Variants in RBBP8NL observed in about 807,000 individuals in gnomAD.
The protein encoded by RBBP8NL is RBBP8 N-terminal-like protein.
In RBBP8NL, 59 loss-of-function variants were observed where a neutral mutation model predicts 62.2. That is an observed-to-expected ratio of 0.95 (90% CI 0.77 to 1.18). The LOEUF is 1.18. RBBP8NL is among the 50% of genes most tolerant of loss of function. The pLI, the probability that RBBP8NL is intolerant of heterozygous loss-of-function variation, is 0.00. For missense variants in RBBP8NL, 896 were observed against 899.5 expected, an observed-to-expected ratio of 1.00 and a Z score of 0.05; for synonymous variants, 412 against 394.1, an observed-to-expected ratio of 1.05 and a Z score of -0.54.
At chr20:62,424,090 C>T (rs1988759809) in intron 1 of RBBP8NL, among the ~76,000 whole-genome samples, 2 of 151,626 alleles carry the variant, frequency 1.3e-5, no homozygotes, top group African/African-American at 2.4e-5. Context: ...TGGGCTGAGG[C>T]TCATGGGGGG....
chr20:62,412,713 G>T lies in RBBP8NL; in HGVS notation c.1787C>A (p.Thr596Asn), dbSNP rs202078364. 5 of 1,610,894 alleles carry T rather than the reference G, an allele frequency of 3.1e-6. No homozygotes were observed. The Admixed American group carries it at 6.7e-5, about 21-fold the overall frequency. The change falls in exon 13 of 14, where the codon ACC becomes AAC. Residue 596 changes from threonine to asparagine, a missense_variant. Physicochemically the swap from Thr to Asn is moderately conservative, Grantham distance 65. Coordinates refer to ENST00000252998, the MANE Select transcript of RBBP8NL (RefSeq NM_080833.3). ...GCAGATGCACTCAGGCCCCTCCCCG[G>T]TCGTGCTCGTAGTGGCCTCCGCCTG... ...SSQAEATTST[T>N]GEGPECICTQ...
Position 62,410,712 on chromosome 20 carries a change from G to T in RBBP8NL, c.*166C>A. On this transcript the variant is annotated 3_prime_UTR_variant, in exon 14 of 14. Transcript: ENST00000252998. The stretch of plus-strand genomic sequence containing the variant: ...GCCCTCTCCAGGCTGTGGTGAGCAG[G>T]CAGAGAGCTGCCCTGGGCTCACTGT... The T allele has an allele frequency of 4.7e-6, 3 of 643,818 alleles. No individual in the cohort carries two copies. Among genetic ancestry groups the T allele is most frequent in the South Asian group, 3.7e-5 (2 of 54,022 alleles). 39.9% of individuals were successfully genotyped at this position (643,818 alleles called of 1,614,324 possible).
chr20:62,418,182 A>T (rs1054130715), intron 3 of RBBP8NL, among the ~76,000 whole-genome samples: 4 of 152,160 alleles, frequency 2.6e-5, no homozygotes, highest in Non-Finnish European at 5.9e-5. Context: ...CTGGGGTGGG[A>T]GAAGCCCCGA....
chr20:62,414,443 G>A lies in RBBP8NL; in HGVS notation c.908C>T (p.Pro303Leu). ...AGCAGGGGCCAGGGGGCTGCTGTGGGGGCTCTGAAGGTGCAGGGACAGGGG... is the reference window on the plus strand; with the variant it reads ...AGCAGGGGCCAGGGGGCTGCTGTGGAGGCTCTGAAGGTGCAGGGACAGGGG... ...NRPLSLHLQS[P>L]HSSPLAPAAA... The change falls in exon 10 of 14, where the codon CCC (proline) becomes CTC (leucine). Residue 303 changes from proline (P) to leucine (L), a missense_variant. Physicochemically the swap from Pro to Leu is moderately conservative, Grantham distance 98. Coordinates refer to ENST00000252998, the MANE Select transcript of RBBP8NL (RefSeq NM_080833.3). 1 of 1,502,912 alleles carries A rather than the reference G, an allele frequency of 6.7e-7. No homozygotes were observed. Among genetic ancestry groups the A allele is most frequent in the South Asian group, 1.3e-5 (1 of 77,768 alleles). The allele number at this position is 1,502,912 out of a possible 1,614,324, so 93.1% of individuals were successfully genotyped here. A position where few individuals can be genotyped will look rare whatever the true frequency, so the allele number is the denominator to read the frequency against.
chr20:62,424,957 T>G (rs1601492511), intron 1 of RBBP8NL, among the ~76,000 whole-genome samples: 1 of 138,334 alleles, frequency 7.2e-6, no homozygotes, highest in Non-Finnish European at 1.7e-5. Context: ...GGAGAGTCAG[T>G]CTGGGCGGAG....
intron 1 of RBBP8NL, among the ~76,000 whole-genome samples, chr20:62,422,521 TGGGACCCCGA>T (rs1224369284): frequency 2.9e-5 from 1 of 35,080 alleles, no homozygotes; most frequent in Non-Finnish European, 5.5e-5. Flanking sequence ...AGAGAGGCCT[TGGGACCCCGA>T]GAGAGGCCAT....
chr20:62,421,413 G>C (rs534990339), intron 1 of RBBP8NL, among the ~76,000 whole-genome samples: 1 of 111,636 alleles, frequency 9.0e-6, no homozygotes, highest in Non-Finnish European at 1.8e-5. Flanking sequence ...GTGAGTGTGC[G>C]TGTGTGTGCC....
In RBBP8NL at chr20:62,414,052, C is replaced by T. The variant is rs527310870; in HGVS notation, c.1299G>A (p.Thr433=). Residue 433 remains threonine, a synonymous_variant, in exon 10 of 14, where the codon ACG becomes ACA. Transcript: ENST00000252998. ...GGGGCTTGTCTAGGGCACAGTCCTG[C>T]GTGGCTGCAGCCTCTGTCCTCTGGG... The part of the protein sequence containing the change: ...GRAQRTEAAA[T]QDCALDKPLD... 85 of 1,593,382 alleles carry T rather than the reference C, an allele frequency of 5.3e-5. No individual in the cohort carries two copies. The highest frequency in any genetic ancestry group is 3.4e-4 in the South Asian group (30 of 88,272).
rs773452324 is a variant in RBBP8NL, at chr20:62,414,118, C to T, written c.1233G>A (p.Leu411=). Residue 411 remains leucine (L), a synonymous_variant, in exon 10 of 14, where the codon CTG becomes CTA. Transcript: ENST00000252998. ...CAGGCTGTGTGTGCCGCCCTCCAGACAGGCCTGCTGCGGCCAGAGCTGCCC... is the reference window on the plus strand; with the variant it reads ...CAGGCTGTGTGTGCCGCCCTCCAGATAGGCCTGCTGCGGCCAGAGCTGCCC... ...GTRAALAAAG[L]SGGRHTQPAG... 6.3e-7 allele frequency: 1 copy of T among 1,596,294 alleles called. No individual in the cohort carries two copies. Among genetic ancestry groups the T allele is most frequent in the Admixed American group, 1.7e-5 (1 of 58,052 alleles).
intron 1 of RBBP8NL, among the ~76,000 whole-genome samples, chr20:62,420,343 C>A (rs1988670289): frequency 6.9e-6 from 1 of 144,620 alleles, no homozygotes; most frequent in African/African-American, 2.8e-5. Context: ...TCAATCCTGT[C>A]CCACAGGCAC....
intron 5 of RBBP8NL, among the ~76,000 whole-genome samples, chr20:62,416,506 C>T (rs1178809196): frequency 1.3e-5 from 2 of 152,214 alleles, no homozygotes; most frequent in Non-Finnish European, 2.9e-5. Context: ...TTCCGCATCT[C>T]AGGAAGGAGG....
At chr20:62,425,951 G>A (rs1055193162) in intron 1 of RBBP8NL, among the ~76,000 whole-genome samples, 1 of 151,982 alleles carries the variant, frequency 6.6e-6, no homozygotes, top group Non-Finnish European at 1.5e-5. Flanking sequence ...AGCAGTGGCA[G>A]TGGGAGTGGC....
rs775408561 is a variant in RBBP8NL at position 62,412,669 on chromosome 20, C to G, written c.1831G>C (p.Gly611Arg). ...GCCCGCTTCCTCTTCCGTGGTGGAC[C>G]CTGCCCGTGCTCCTGGGTGCAGATG... ...ECICTQEHGQ[G>R]PPRKRKRASE... is the part of the protein sequence containing the mutation. Residue 611 changes from glycine to arginine, a missense_variant, in exon 13 of 14, where the codon GGT becomes CGT. Transcript: ENST00000252998. 6.2e-7 allele frequency: 1 copy of G among 1,608,150 alleles called. No individual in the cohort carries two copies. The highest frequency in any genetic ancestry group is 8.5e-7 in the Non-Finnish European group (1 of 1,179,938).
At chr20:62,425,247 C>T (rs900068874) in intron 1 of RBBP8NL, among the ~76,000 whole-genome samples, 3 of 152,182 alleles carry the variant, frequency 2.0e-5, no homozygotes, top group Non-Finnish European at 4.4e-5. Flanking sequence ...CATGTGGGAC[C>T]CCAGGTGTCC....
At position 62,414,309 on chromosome 20, in the gene RBBP8NL, C is replaced by T. The variant is rs3810553; in HGVS notation, c.1042G>A (p.Asp348Asn). The T allele has an allele frequency of 0.29, 459,300 of 1,563,920 alleles. 70,421 individuals carry two copies. The highest frequency in any genetic ancestry group is 0.47 in the East Asian group (19,699 of 42,176). ...TGCAGTGCCCCCTCCAGGCGAAGGT[C>T]CTGCATGCCCGCCAGGGCACTGGGC... ...GLPSALAGMQ[D>N]LRLEGALHLL... The change falls in exon 10 of 14, where the codon GAC becomes AAC. Residue 348 changes from aspartate to asparagine, a missense_variant. By Grantham distance (23) the Asp-to-Asn change is conservative. Transcript: ENST00000252998.
Position 62,418,607 on chromosome 20 carries a change from C to T in RBBP8NL, c.62-142G>A, listed in dbSNP as rs1601488996. ...TGGGGGAGCCCTGCCAGGTGAGCCC[C>T]TGTCTGTGCCCAGGCACGGGGCTGC... On this transcript the variant is annotated intron_variant, in intron 2 of 13. Coordinates refer to ENST00000252998, the MANE Select transcript of RBBP8NL (RefSeq NM_080833.3). 3.6e-6 allele frequency: 3 copies of T among 843,876 alleles called. No homozygotes were observed. The East Asian group carries it at 8.0e-5, about 23-fold the overall frequency. 52.3% of individuals were successfully genotyped at this position (843,876 alleles called of 1,614,324 possible).
In RBBP8NL at chr20:62,415,218, G is replaced by C; in HGVS notation, c.697C>G (p.Pro233Ala). Reference protein sequence around the residue: ...AVVRPGSQACPADRGPANGTP... With the variant: ...AVVRPGSQACAADRGPANGTP... The stretch of plus-strand genomic sequence containing the variant: ...CCATTGGCGGGGCCTCGGTCGGCAG[G>C]GCAAGCCTGGGACCCAGGCCGCACC... The change falls in exon 9 of 14, where the codon CCT (proline) becomes GCT (alanine). Residue 233 changes from proline (P) to alanine (A), a missense_variant. Coordinates refer to ENST00000252998, the MANE Select transcript of RBBP8NL (RefSeq NM_080833.3). 6.5e-7 allele frequency: 1 copy of C among 1,534,394 alleles called. No homozygotes were observed. The highest frequency in any genetic ancestry group is 8.8e-7 in the Non-Finnish European group (1 of 1,141,682).
intron 13 of RBBP8NL, among the ~76,000 whole-genome samples, chr20:62,411,304 T>G (rs1463199115): frequency 2.0e-5 from 3 of 152,156 alleles, no homozygotes; most frequent in Non-Finnish European, 2.9e-5. Context: ...GGCCTGACAC[T>G]GGCTGCGGGC....
chr20:62,416,358 C>T, intron 5 of RBBP8NL, 122 bp from the exon 6 acceptor site: 1 of 875,044 alleles, frequency 1.1e-6, no homozygotes, highest in South Asian at 1.5e-5. Context: ...CAGGGCCTGG[C>T]AGGCAGCAGG....
Sources: allele counts gnomAD v4.1 joint callset (sites outside exome capture counted in the v4.1 genomes callset), GRCh38; gene constraint gnomAD v4.1.1; transcripts MANE v1.5; gene names NCBI Gene and HGNC (gene_info 2026-07-23, HGNC 2026-07-21).